RBFOX1: variants seen among roughly 807,000 people sequenced by gnomAD.
RBFOX1 encodes the protein RNA binding protein fox-1 homolog 1.
Under a neutral mutation model 57.7 loss-of-function variants are expected in RBFOX1, and 8 were observed. That is an observed-to-expected ratio of 0.14 (90% CI 0.08 to 0.25). The LOEUF is 0.25. RBFOX1 is among the 10% of genes least tolerant of loss of function. RBFOX1 has a pLI of 1.00. For missense variants in RBFOX1, 611 were observed against 548.5 expected (o/e 1.11, Z -1.14); for synonymous variants, 326 against 222.4 (o/e 1.47, Z -4.15).
intron 2 of RBFOX1, among the ~76,000 whole-genome samples, chr16:6,375,984 C>G (rs929755591): frequency 6.6e-6 from 1 of 152,082 alleles, no homozygotes; most frequent in Non-Finnish European, 1.5e-5. Flanking sequence ...CCTCCAGCTC[C>G]CCCTCTGTTT....
chr16:7,509,390 C>CTGTGTGTG lies in RBFOX1; in HGVS notation c.28-8723_28-8716dup, dbSNP rs34760329. Among the ~76,000 whole-genome samples the CTGTGTGTG allele has an allele frequency of 5.4e-3, 783 of 145,138 alleles. 15 individuals carry two copies. In the East Asian group the frequency reaches 0.071, roughly 13 times the overall value. ...CATAATGTGTACTAGGAGCCAAGCC[C>CTGTGTGTG]TGTGTGTGTGTGTGTGTGTGTGTGT... On this transcript the variant is annotated intron_variant, in intron 4 of 15. Transcript: ENST00000550418.
In RBFOX1 at chr16:7,381,954, C is replaced by T. The variant is rs181689388; in HGVS notation, c.28-136193C>T. On this transcript the variant is annotated intron_variant, in intron 4 of 15. Transcript: ENST00000550418. ...GATGTCTCTAGACTTGGCTCACTGT[C>T]CCCTGGGGGATGAAATGTTTCTCCC... Among the ~76,000 whole-genome samples, 8 of 152,244 alleles carry T rather than the reference C, an allele frequency of 5.3e-5. No homozygotes were observed. In the East Asian group the frequency reaches 1.4e-3, roughly 26 times the overall value.
intron 4 of RBFOX1, among the ~76,000 whole-genome samples, chr16:7,180,631 G>A (rs2082510161): frequency 6.6e-6 from 1 of 151,084 alleles, no homozygotes; most frequent in African/African-American, 2.4e-5. Flanking sequence ...TATGGTGTTA[G>A]AAAGGATTGC....
intron 1 of RBFOX1, among the ~76,000 whole-genome samples, chr16:5,311,374 G>T (rs566690294): frequency 1.3e-5 from 2 of 152,252 alleles, no homozygotes; most frequent in South Asian, 4.1e-4. Context: ...ATGTATGCAG[G>T]TGTCTTCTTG....
intron 4 of RBFOX1, among the ~76,000 whole-genome samples, chr16:5,959,716 G>T (rs1031141491): frequency 7.2e-5 from 11 of 152,314 alleles, no homozygotes; most frequent in African/African-American, 2.6e-4. Flanking sequence ...TGTTGCTGAG[G>T]CAGGAGAATC....
At chr16:6,748,977 T>G (rs985883269) in intron 3 of RBFOX1, 1 of 152,130 alleles carries the variant, frequency 6.6e-6, no homozygotes, top group African/African-American at 2.4e-5. Context: ...CTCTCCTAAT[T>G]GATAAAATAA....
chr16:7,664,509 A>T (rs2145661086), intron 12 of RBFOX1, among the ~76,000 whole-genome samples: 1 of 152,248 alleles, frequency 6.6e-6, no homozygotes, highest in Non-Finnish European at 1.5e-5. Flanking sequence ...GACCTTTACA[A>T]TCCGATTTTT....
chr16:6,730,451 A>T (rs919753069), intron 3 of RBFOX1, among the ~76,000 whole-genome samples: 56 of 21,990 alleles, frequency 2.5e-3, no homozygotes, highest in East Asian at 0.25. Context: ...AATTTATCAA[A>T]TTATCTAATC....
chr16:7,633,607 A>T (rs547087646), intron 11 of RBFOX1, among the ~76,000 whole-genome samples: 7 of 152,232 alleles, frequency 4.6e-5, no homozygotes, highest in African/African-American at 1.7e-4. Flanking sequence ...CAAAATGAAA[A>T]CTAGTTTCTT....
At chr16:7,321,445 C>A (rs1405891776) in intron 4 of RBFOX1, among the ~76,000 whole-genome samples, 1 of 152,028 alleles carries the variant, frequency 6.6e-6, no homozygotes, top group African/African-American at 2.4e-5. Context: ...CATACCTGTC[C>A]CAGAGAAATA....
At chr16:5,495,362 C>T (rs2042968576) in intron 2 of RBFOX1, among the ~76,000 whole-genome samples, 1 of 152,188 alleles carries the variant, frequency 6.6e-6, no homozygotes, top group Non-Finnish European at 1.5e-5. Context: ...GAACGTGTTG[C>T]AGACTTTTAA....
intron 4 of RBFOX1, among the ~76,000 whole-genome samples, chr16:7,271,567 G>A (rs957132812): frequency 6.6e-6 from 1 of 151,902 alleles, no homozygotes; most frequent in East Asian, 1.9e-4. Flanking sequence ...CTAGAAGCTC[G>A]ATGTTATGAG....
chr16:7,599,860 C>A (rs913911255), intron 9 of RBFOX1, among the ~76,000 whole-genome samples: 4 of 151,462 alleles, frequency 2.6e-5, no homozygotes, highest in Non-Finnish European at 4.4e-5. Flanking sequence ...TGGTCTCGAA[C>A]TCCTGAGCTC....
At chr16:5,966,446 CA>C (rs1420598935) in intron 4 of RBFOX1, among the ~76,000 whole-genome samples, 1 of 152,076 alleles carries the variant, frequency 6.6e-6, no homozygotes, top group Non-Finnish European at 1.5e-5. Flanking sequence ...GGAGATGCCA[CA>C]CACTTTTTTT....
intron 1 of RBFOX1, among the ~76,000 whole-genome samples, chr16:5,316,975 C>T (rs529579127): frequency 1.3e-5 from 2 of 152,140 alleles, no homozygotes; most frequent in Non-Finnish European, 2.9e-5. Context: ...TCTGGAGGAG[C>T]TGGGATGCCC....
At chr16:6,911,684 G>T (rs1179838281) in intron 3 of RBFOX1, among the ~76,000 whole-genome samples, 1 of 152,174 alleles carries the variant, frequency 6.6e-6, no homozygotes, top group Non-Finnish European at 1.5e-5. Flanking sequence ...ATCCATAGCA[G>T]ACAGGCAATT....
In RBFOX1 at chr16:6,470,480, A is replaced by G. The variant is rs541912713; in HGVS notation, c.-64+153423A>G. On this transcript the variant is annotated intron_variant, in intron 2 of 15. Coordinates refer to ENST00000550418, the MANE Select transcript of RBFOX1 (RefSeq NM_018723.4). ...TTCTCCTATGTTGGCTTGGACATGA[A>G]TAGTGCAAATATGTCAGTCTTTCTA... 3.3e-5 allele frequency among the ~76,000 whole-genome samples: 5 copies of G among 152,340 alleles called. No individual in the cohort carries two copies. The East Asian group carries it at 7.7e-4, about 24-fold the overall frequency.
intron 4 of RBFOX1, among the ~76,000 whole-genome samples, chr16:7,459,813 T>G (rs747051136): frequency 6.6e-6 from 1 of 152,186 alleles, no homozygotes; most frequent in Non-Finnish European, 1.5e-5. Context: ...CATCTTCTTT[T>G]AGATGCTTAC....
chr16:7,277,094 G>T (rs2095455084), intron 4 of RBFOX1, among the ~76,000 whole-genome samples: 2 of 152,174 alleles, frequency 1.3e-5, no homozygotes, highest in Admixed American at 1.3e-4. Flanking sequence ...ATTTTTTAAA[G>T]AAAGATAATT....
Sources: gnomAD v4.1 joint callset for allele counts (sites outside exome capture counted in the v4.1 genomes callset) on GRCh38, gnomAD v4.1.1 for gene constraint, MANE v1.5 for transcripts, NCBI Gene and HGNC (gene_info 2026-07-23, HGNC 2026-07-21) for gene names.